Variants in COL25A1 observed in about 807,000 individuals in gnomAD.
COL25A1 encodes collagen type XXV alpha 1 chain, also known as collagen alpha-1(XXV) chain.
In COL25A1, 103 loss-of-function variants were observed where a neutral mutation model predicts 128.4. That is an observed-to-expected ratio of 0.80 (90% CI 0.68 to 0.94). COL25A1 has a LOEUF of 0.94. Among genes scored for constraint, COL25A1 ranks in the 40% least tolerant of loss-of-function variants. COL25A1 has a pLI of 0.00. For missense variants in COL25A1, 745 were observed against 840.0 expected (o/e 0.89, Z 1.40); for synonymous variants, 279 against 277.2 (o/e 1.01, Z -0.06).
At chr4:108,848,852 A>G in intron 26 of COL25A1, 49 bp from the exon 27 acceptor site, 1 of 1,401,682 alleles carries the variant, frequency 7.1e-7, no homozygotes, top group Non-Finnish European at 1.0e-6. Context: ...TTGGTAACAT[A>G]CTGCACTACA....
intron 13 of COL25A1, among the ~76,000 whole-genome samples, chr4:108,913,842 A>G (rs1179483699): frequency 1.3e-5 from 2 of 152,230 alleles, no homozygotes; most frequent in Non-Finnish European, 2.9e-5. Context: ...ACATTTCTCC[A>G]GAGTATTTGA....
At chr4:109,257,348 T>C (rs1285372493) in intron 3 of COL25A1, among the ~76,000 whole-genome samples, 1 of 152,214 alleles carries the variant, frequency 6.6e-6, no homozygotes, top group East Asian at 1.9e-4. Flanking sequence ...TATTAACTCA[T>C]TCCATGCTTA....
At chr4:109,197,422 TA>T (rs1208868249) in intron 3 of COL25A1, among the ~76,000 whole-genome samples, 1 of 125,810 alleles carries the variant, frequency 7.9e-6, no homozygotes, top group African/African-American at 3.0e-5. Context: ...TATTATATAT[TA>T]TATATAAATA....
chr4:108,849,946 C>CG (rs1293810331), intron 26 of COL25A1, among the ~76,000 whole-genome samples: 1 of 151,994 alleles, frequency 6.6e-6, no homozygotes. Context: ...AGAAAAGCGG[C>CG]GGGGGAAGGG....
intron 3 of COL25A1, among the ~76,000 whole-genome samples, chr4:109,134,191 G>C (rs1437898729): frequency 7.0e-5 from 9 of 128,620 alleles, no homozygotes; most frequent in African/African-American, 3.5e-4. Flanking sequence ...CAGATTATAG[G>C]AGGTTTTTTT....
intron 20 of COL25A1, among the ~76,000 whole-genome samples, chr4:108,868,733 G>GAGGA (rs1298249201): frequency 2.1e-5 from 3 of 141,866 alleles, no homozygotes; most frequent in East Asian, 2.1e-4. Flanking sequence ...GAAAGGAAGG[G>GAGGA]AGGAAGGAAG....
At chr4:108,970,852 T>A (rs187788574) in intron 8 of COL25A1, among the ~76,000 whole-genome samples, 27 of 152,066 alleles carry the variant, frequency 1.8e-4, no homozygotes, top group Admixed American at 1.6e-3. Context: ...GTCCTTCAGG[T>A]TCATCCATGC....
chr4:109,294,617 A>G (rs569619410), intron 3 of COL25A1, among the ~76,000 whole-genome samples: 2 of 152,226 alleles, frequency 1.3e-5, no homozygotes, highest in East Asian at 1.9e-4. Context: ...GGATGCATCT[A>G]TATTTAACCA....
chr4:109,132,329 A>G (rs952929721), intron 3 of COL25A1, among the ~76,000 whole-genome samples: 2 of 152,018 alleles, frequency 1.3e-5, no homozygotes, highest in African/African-American at 2.4e-5. Flanking sequence ...TTCTTAAGAA[A>G]AGTTTTCAAA....
At chr4:109,300,758 C>T (rs889257016) in intron 2 of COL25A1, 106 bp from the exon 3 acceptor site, 6 of 730,912 alleles carry the variant, frequency 8.2e-6, no homozygotes, top group Non-Finnish European at 1.4e-5. Flanking sequence ...TCATAACCTG[C>T]ATAACTAACA....
intron 3 of COL25A1, among the ~76,000 whole-genome samples, chr4:109,093,497 T>C (rs1010204160): frequency 6.8e-6 from 1 of 146,144 alleles, no homozygotes; most frequent in African/African-American, 2.6e-5. Flanking sequence ...ATTAGTTAAC[T>C]GTGGTGGTGT....
At chr4:109,296,490 C>T (rs750748605) in intron 3 of COL25A1, among the ~76,000 whole-genome samples, 5 of 151,968 alleles carry the variant, frequency 3.3e-5, no homozygotes, top group Non-Finnish European at 7.4e-5. Flanking sequence ...GGGAAGATAC[C>T]AAGTCTGCCT....
chr4:108,825,462 A>C (rs1578460355), intron 33 of COL25A1, among the ~76,000 whole-genome samples: 2 of 152,302 alleles, frequency 1.3e-5, no homozygotes, highest in East Asian at 1.9e-4. Context: ...TTGGTAGCTA[A>C]GTTATCAGTC....
At chr4:108,844,683 G>A in intron 29 of COL25A1, 114 bp from the exon 30 acceptor site, 1 of 1,377,730 alleles carries the variant, frequency 7.3e-7, no homozygotes, top group South Asian at 1.5e-5. Context: ...GAGGAAGAAA[G>A]ATACTAGAAT....
chr4:108,881,613 C>T (rs1560798350), intron 19 of COL25A1, among the ~76,000 whole-genome samples: 3 of 152,074 alleles, frequency 2.0e-5, no homozygotes, highest in Non-Finnish European at 4.4e-5. Flanking sequence ...AGTTAACTGT[C>T]CTGTGGTGGC....
intron 3 of COL25A1, among the ~76,000 whole-genome samples, chr4:109,053,376 A>G (rs1024347714): frequency 1.3e-5 from 2 of 152,090 alleles, no homozygotes; most frequent in African/African-American, 4.8e-5. Context: ...CTCCTAAACC[A>G]CGCCAGTTCT....
At chr4:109,292,447 C>A (rs1578656290) in intron 3 of COL25A1, among the ~76,000 whole-genome samples, 1 of 151,962 alleles carries the variant, frequency 6.6e-6, no homozygotes, top group Admixed American at 6.6e-5. Context: ...AAAGCCTCAA[C>A]CCACATTTTC....
At chr4:108,862,433 T>C (rs1008443241) in intron 22 of COL25A1, 68 bp downstream of exon 22, 43 of 1,193,792 alleles carry the variant, frequency 3.6e-5, no homozygotes, top group Non-Finnish European at 5.2e-5. Flanking sequence ...CATGCCTCTG[T>C]GGCAAAGGCA....
At chr4:109,182,118 A>C (rs953102767) in intron 3 of COL25A1, among the ~76,000 whole-genome samples, 1 of 152,110 alleles carries the variant, frequency 6.6e-6, no homozygotes, top group Non-Finnish European at 1.5e-5. Flanking sequence ...ACTTAAGTTG[A>C]TTCCATATTT....
Sources: allele counts gnomAD v4.1 joint callset (sites outside exome capture counted in the v4.1 genomes callset), GRCh38; gene constraint gnomAD v4.1.1; transcripts MANE v1.5; gene names NCBI Gene and HGNC (gene_info 2026-07-23, HGNC 2026-07-21).